USH2A: variants seen among roughly 807,000 people sequenced by gnomAD.
USH2A encodes usherin, also known as Usher syndrome 2A (autosomal recessive, mild).
A neutral mutation model predicts 538.9 loss-of-function variants in USH2A; 443 were observed. That is an observed-to-expected ratio of 0.82 (90% confidence interval 0.76 to 0.89). The LOEUF (loss-of-function observed/expected upper bound fraction) is 0.89. Among genes scored for constraint, USH2A ranks in the 40% least tolerant of loss-of-function variants. The probability of loss-of-function intolerance (pLI) is 0.00; values close to 1 mark genes in which losing one functional copy is unlikely to be tolerated. For missense variants in USH2A, 6,633 were observed against 6,324.8 expected (o/e 1.05, Z -1.65); for synonymous variants, 2,413 against 2,273.5 (o/e 1.06, Z -1.75).
intron 60 of USH2A, among the ~76,000 whole-genome samples, chr1:215,736,266 T>C (rs973847816): frequency 2.6e-5 from 4 of 152,136 alleles, no homozygotes; most frequent in Admixed American, 2.0e-4. Context: ...AACCTGACCA[T>C]TCCTTGAATC....
intron 41 of USH2A, among the ~76,000 whole-genome samples, chr1:215,887,168 ACT>A (rs1558145517): frequency 1.3e-5 from 2 of 152,016 alleles, no homozygotes; most frequent in Non-Finnish European, 1.5e-5. Context: ...GAAAATACTT[ACT>A]CTTTTTCAGA....
chr1:216,199,938 A>G lies in USH2A; in HGVS notation c.3500T>C (p.Leu1167Pro). The change falls in exon 17 of 72, where the codon CTT becomes CCT. Residue 1167 changes from leucine to proline, a missense_variant. Coordinates refer to ENST00000307340, the MANE Select transcript of USH2A (RefSeq NM_206933.4). ...TTGATTTGAGAGTGTTGTCCAGGTA[A>G]GTGTCACAGAGTCTGAGCCAATAGG... ...IIPIGSDSVT[L>P]TWTTLSNQSG... 2 of 1,614,154 alleles carry G rather than the reference A, an allele frequency of 1.2e-6. No individual in the cohort carries two copies. The highest frequency in any genetic ancestry group is 1.7e-6 in the Non-Finnish European group (2 of 1,180,006).
rs79514775 is a variant in USH2A at position 216,415,533 on chromosome 1, T to C, written c.651+2981A>G. Among the ~76,000 whole-genome samples the C allele has an allele frequency of 4.4e-3, 428 of 96,708 alleles. 3 individuals are homozygous for C. The highest frequency in any genetic ancestry group is 0.015 in the African/African-American group (400 of 25,894). 63.4% of individuals were successfully genotyped at this position (96,708 alleles called of 152,430 possible). The stretch of plus-strand genomic sequence containing the variant: ...CTTTTTTTTTTTTTTTTTTTTTTTT[T>C]CAGACAGGATCTTGCTCTTTCGCCC... On this transcript the variant is annotated intron_variant, in intron 3 of 71. Coordinates refer to ENST00000307340, the MANE Select transcript of USH2A (RefSeq NM_206933.4).
intron 32 of USH2A, among the ~76,000 whole-genome samples, chr1:216,001,841 TA>T (rs1311678591): frequency 3.3e-5 from 5 of 152,074 alleles, no homozygotes; most frequent in African/African-American, 7.2e-5. Context: ...GAAGAGAGAT[TA>T]AAAAAATAAT....
chr1:215,851,553 T>C (rs1664014828), intron 44 of USH2A, among the ~76,000 whole-genome samples: 1 of 151,816 alleles, frequency 6.6e-6, no homozygotes, highest in Admixed American at 6.6e-5. Flanking sequence ...AATTATAACG[T>C]TACCAACAAA....
At chr1:216,037,510 T>A (rs2102516887) in intron 32 of USH2A, among the ~76,000 whole-genome samples, 1 of 152,226 alleles carries the variant, frequency 6.6e-6, no homozygotes, top group East Asian at 1.9e-4. Context: ...TTCTTTGTTT[T>A]CAGGATTGTA....
chr1:215,925,809 G>A (rs878097), intron 38 of USH2A, among the ~76,000 whole-genome samples: 6,966 of 152,168 alleles, frequency 0.046, 206 homozygotes, highest in Admixed American at 0.085. Flanking sequence ...AATCTAAGTG[G>A]ATACAGAGCA....
intron 3 of USH2A, among the ~76,000 whole-genome samples, chr1:216,404,481 CT>C (rs1185939749): frequency 4.6e-5 from 7 of 151,988 alleles, no homozygotes; most frequent in African/African-American, 1.7e-4. Flanking sequence ...ATATCTTCTA[CT>C]AATTTTTGAC....
At chr1:216,148,282 C>T (rs2033754932) in intron 21 of USH2A, among the ~76,000 whole-genome samples, 1 of 151,676 alleles carries the variant, frequency 6.6e-6, no homozygotes, top group Non-Finnish European at 1.5e-5. Context: ...TTTTAGTTAT[C>T]CCCACCTGCC....
chr1:215,909,925 A>C (rs1665733604), intron 38 of USH2A, among the ~76,000 whole-genome samples: 1 of 151,904 alleles, frequency 6.6e-6, no homozygotes, highest in South Asian at 2.1e-4. Context: ...GTGTAGGAAG[A>C]AAAAAAATTT....
At chr1:215,742,419 G>A (rs568038324) in intron 59 of USH2A, among the ~76,000 whole-genome samples, 46 of 151,308 alleles carry the variant, frequency 3.0e-4, no homozygotes, top group Non-Finnish European at 5.6e-4. Flanking sequence ...TATATGATGA[G>A]ATCATATATA....
At chr1:216,142,300 T>C (rs2033618350) in intron 21 of USH2A, among the ~76,000 whole-genome samples, 1 of 152,190 alleles carries the variant, frequency 6.6e-6, no homozygotes, top group Admixed American at 6.5e-5. Context: ...TGTCAAAATA[T>C]AATACCAAAG....
intron 32 of USH2A, among the ~76,000 whole-genome samples, chr1:216,012,261 A>C (rs1668593646): frequency 6.6e-6 from 1 of 152,024 alleles, no homozygotes; most frequent in Admixed American, 6.5e-5. Flanking sequence ...CATCATGGAA[A>C]TCTATCCTCA....
chr1:216,350,035 C>T (rs978861146), intron 4 of USH2A, among the ~76,000 whole-genome samples: 1 of 151,996 alleles, frequency 6.6e-6, no homozygotes, highest in African/African-American at 2.4e-5. Flanking sequence ...CCTCAGGAAG[C>T]CCACAATAAT....
At chr1:216,272,723 G>C (rs1215071505) in intron 11 of USH2A, among the ~76,000 whole-genome samples, 4 of 152,052 alleles carry the variant, frequency 2.6e-5, no homozygotes, top group East Asian at 3.9e-4. Context: ...AATTATGTTT[G>C]TGTAATTGAA....
chr1:216,071,406 GC>G (rs1305449873), intron 29 of USH2A, among the ~76,000 whole-genome samples: 3 of 152,132 alleles, frequency 2.0e-5, no homozygotes, highest in Admixed American at 2.0e-4. Context: ...TGGGAGTGAC[GC>G]TGATTTTATT....
intron 3 of USH2A, among the ~76,000 whole-genome samples, chr1:216,371,320 T>C (rs2038710075): frequency 6.6e-6 from 1 of 152,214 alleles, no homozygotes; most frequent in Non-Finnish European, 1.5e-5. Context: ...AAATATGACA[T>C]AGTTTTTAGT....
At chr1:215,647,434 T>C in intron 67 of USH2A, 88 bp downstream of exon 67, 1 of 1,534,920 alleles carries the variant, frequency 6.5e-7, no homozygotes, top group East Asian at 2.3e-5. Context: ...AATCTGTTTT[T>C]AAAAGTGGCT....
chr1:216,302,042 T>C (rs1249570233), intron 9 of USH2A, among the ~76,000 whole-genome samples: 2 of 152,186 alleles, frequency 1.3e-5, no homozygotes, highest in Admixed American at 6.5e-5. Context: ...TGTACTCAGG[T>C]ATCTTTTTTC....
Sources: gnomAD v4.1 joint callset for allele counts (sites outside exome capture counted in the v4.1 genomes callset) on GRCh38, gnomAD v4.1.1 for gene constraint, MANE v1.5 for transcripts, NCBI Gene and HGNC (gene_info 2026-07-23, HGNC 2026-07-21) for gene names.